The following NFAT5 variants were observed in gnomAD, a reference collection of about 807,000 sequenced individuals.
The protein encoded by NFAT5 is nuclear factor of activated T-cells 5.
NFAT5 carries 31 observed loss-of-function variants against 166.5 expected under a neutral mutation model. That is an observed-to-expected ratio of 0.19 (90% CI 0.14 to 0.25). The LOEUF (loss-of-function observed/expected upper bound fraction) is 0.25, where lower values mean the gene tolerates loss of function less well. Ranked by LOEUF, NFAT5 falls within the 10% of genes least tolerant of loss-of-function variation. The probability of loss-of-function intolerance (pLI) is 1.00; values close to 1 mark genes in which losing one functional copy is unlikely to be tolerated. For missense variants in NFAT5, 1,449 were observed against 1,821.8 expected, an observed-to-expected ratio of 0.80 and a Z score of 3.72; for synonymous variants, 612 against 639.7, an observed-to-expected ratio of 0.96 and a Z score of 0.65.
Position 69,597,384 on chromosome 16 carries a change from C to T in NFAT5, c.127+28836C>T, listed in dbSNP as rs189388362. On this transcript the variant is annotated intron_variant, in intron 2 of 14. Transcript: ENST00000349945. The stretch of plus-strand genomic sequence containing the variant: ...ACAGTTATTTTACATATATATATAT[C>T]TCTTGCGATTTCCTTGCACGGTAAA... Among the ~76,000 whole-genome samples, 338 of 152,158 alleles carry T rather than the reference C, an allele frequency of 2.2e-3. 2 individuals carry two copies. The highest frequency in any genetic ancestry group is 5.6e-3 in the South Asian group (27 of 4,802).
At chr16:69,577,990 CAA>C (rs35793232) in intron 2 of NFAT5, among the ~76,000 whole-genome samples, 3 of 150,020 alleles carry the variant, frequency 2.0e-5, no homozygotes, top group Non-Finnish European at 3.0e-5. Flanking sequence ...GACCCTGTGT[CAA>C]AAAAAAAATT....
intron 2 of NFAT5, among the ~76,000 whole-genome samples, chr16:69,603,260 A>G (rs901365295): frequency 2.6e-5 from 4 of 152,150 alleles, no homozygotes; most frequent in African/African-American, 4.8e-5. Flanking sequence ...AATCCTTTAT[A>G]CATCCTTTTT....
At chr16:69,583,304 A>G (rs996510289) in intron 2 of NFAT5, among the ~76,000 whole-genome samples, 19 of 151,922 alleles carry the variant, frequency 1.3e-4, no homozygotes, top group Non-Finnish European at 1.8e-4. Flanking sequence ...GGCTAAAGCA[A>G]TCCTCCTGCC....
chr16:69,664,862 TGCTA>T (rs2036298857), intron 7 of NFAT5, among the ~76,000 whole-genome samples: 1 of 152,012 alleles, frequency 6.6e-6, no homozygotes, highest in Non-Finnish European at 1.5e-5. Context: ...AACCCATCTC[TGCTA>T]AAAATACAAA....
At chr16:69,660,690 TTGTG>T (rs947059144) in intron 7 of NFAT5, among the ~76,000 whole-genome samples, 124 of 152,270 alleles carry the variant, frequency 8.1e-4, no homozygotes, top group African/African-American at 2.8e-3. Flanking sequence ...GTGTGCGTGT[TTGTG>T]TGTGTAAATT....
intron 10 of NFAT5, among the ~76,000 whole-genome samples, chr16:69,681,377 T>C (rs1295888608): frequency 1.3e-5 from 2 of 152,178 alleles, no homozygotes; most frequent in African/African-American, 4.8e-5. Flanking sequence ...GTGAAATACC[T>C]CCTATCTTAC....
At chr16:69,574,096 C>T (rs1418816733) in intron 2 of NFAT5, among the ~76,000 whole-genome samples, 7 of 152,146 alleles carry the variant, frequency 4.6e-5, no homozygotes, top group East Asian at 3.9e-4. Context: ...GTCTCGAACT[C>T]GTGACCTCAG....
At chr16:69,616,311 C>T (rs1427291187) in intron 2 of NFAT5, among the ~76,000 whole-genome samples, 2 of 151,936 alleles carry the variant, frequency 1.3e-5, no homozygotes, top group South Asian at 4.1e-4. Flanking sequence ...GCCGGGTAAC[C>T]TCTGATAACC....
intron 7 of NFAT5, among the ~76,000 whole-genome samples, chr16:69,664,878 T>G (rs548349195): frequency 6.6e-6 from 1 of 151,966 alleles, no homozygotes; most frequent in Non-Finnish European, 1.5e-5. Flanking sequence ...AAATACAAAG[T>G]TAGCCGGGCT....
At chr16:69,685,106 G>A (rs72783121) in intron 11 of NFAT5, 136 bp downstream of exon 11, 24,163 of 373,342 alleles carry the variant, frequency 0.065, 871 homozygotes, top group Middle Eastern at 0.095. Context: ...ATAAATATGT[G>A]TTTAACTTTA....
intron 11 of NFAT5, among the ~76,000 whole-genome samples, chr16:69,688,981 A>G (rs1173208385): frequency 6.6e-6 from 1 of 152,234 alleles, no homozygotes; most frequent in Admixed American, 6.5e-5. Context: ...CTCAGTCAAA[A>G]TTAGGTTGTA....
In NFAT5 at chr16:69,587,716, A is replaced by G. The variant is rs540681410; in HGVS notation, c.127+19168A>G. Among the ~76,000 whole-genome samples the G allele has an allele frequency of 2.0e-5, 3 of 152,214 alleles. No individual in the cohort carries two copies. The South Asian group carries it at 6.2e-4, about 32-fold the overall frequency. On this transcript the variant is annotated intron_variant, in intron 2 of 14. Coordinates refer to ENST00000349945, the MANE Select transcript of NFAT5 (RefSeq NM_138713.4). Reference sequence around the variant, plus strand: ...ATTTCACTTCTTATGGTCCTCAACTACTAAAGCATTTTCTATTTGAAAGAA... The same window carrying G: ...ATTTCACTTCTTATGGTCCTCAACTGCTAAAGCATTTTCTATTTGAAAGAA...
intron 3 of NFAT5, among the ~76,000 whole-genome samples, chr16:69,638,863 C>CT (rs924704227): frequency 8.0e-5 from 12 of 150,718 alleles, no homozygotes; most frequent in East Asian, 7.8e-4. Flanking sequence ...TCCCTTGGAA[C>CT]TTTTTTTTTC....
intron 3 of NFAT5, among the ~76,000 whole-genome samples, chr16:69,635,578 G>A (rs1052823334): frequency 1.3e-5 from 2 of 152,106 alleles, no homozygotes; most frequent in Non-Finnish European, 2.9e-5. Flanking sequence ...AGAAAAAAAG[G>A]TTTAATTGGA....
In NFAT5 at chr16:69,566,448, G is replaced by C. The variant is rs1013309295; in HGVS notation, c.73+74G>C. ...ACAGGGAGACAGGGCCAGGGGAGGCGAGGGGTCCCCGTCCCGCCGGGGGCG... is the reference window on the plus strand; with the variant it reads ...ACAGGGAGACAGGGCCAGGGGAGGCCAGGGGTCCCCGTCCCGCCGGGGGCG... On this transcript the variant is annotated intron_variant, in intron 1 of 14. Transcript: ENST00000349945. The surrounding 1 kb of genome is among the most constrained non-coding windows in gnomAD (Gnocchi z 5.7). The C allele has an allele frequency of 2.4e-5, 31 of 1,316,060 alleles. 1 individual carries two copies. In the African/African-American group the frequency reaches 4.5e-4, roughly 19 times the overall value. The allele number at this position is 1,316,060 out of a possible 1,614,324, so 81.5% of individuals were successfully genotyped here. A position where few individuals can be genotyped will look rare whatever the true frequency, so the allele number is the denominator to read the frequency against.
At chr16:69,571,109 T>G in intron 2 of NFAT5, among the ~76,000 whole-genome samples, 1 of 114,798 alleles carries the variant, frequency 8.7e-6, no homozygotes, top group African/African-American at 3.4e-5. Context: ...CTGGCTAACA[T>G]GGTGAAACCC....
chr16:69,592,788 A>C (rs942895952), intron 2 of NFAT5, among the ~76,000 whole-genome samples: 1 of 152,186 alleles, frequency 6.6e-6, no homozygotes, highest in African/African-American at 2.4e-5. Flanking sequence ...AGGGATTTAG[A>C]TATATCCTTT....
intron 3 of NFAT5, among the ~76,000 whole-genome samples, chr16:69,630,772 T>C (rs912805515): frequency 6.6e-6 from 1 of 152,200 alleles, no homozygotes; most frequent in African/African-American, 2.4e-5. Context: ...ACATAGGTAT[T>C]AGGAGAACTA....
At chr16:69,694,272 G>T in intron 13 of NFAT5, 33 bp downstream of exon 13, 1 of 1,514,164 alleles carries the variant, frequency 6.6e-7, no homozygotes, top group Non-Finnish European at 9.0e-7. Flanking sequence ...TACTTAATTG[G>T]TCATTATTAT....
Sources: gnomAD v4.1 joint callset for allele counts (sites outside exome capture counted in the v4.1 genomes callset) on GRCh38, gnomAD v4.1.1 for gene constraint, Gnocchi (gnomAD v3.1) non-coding constraint, MANE v1.5 for transcripts, NCBI Gene and HGNC (gene_info 2026-07-23, HGNC 2026-07-21) for gene names.